PCDH11X: variants seen among roughly 807,000 people sequenced by gnomAD.
PCDH11X encodes protocadherin 11 X-linked, also known as protocadherin-11 X-linked.
Under a neutral mutation model 53.3 loss-of-function variants are expected in PCDH11X, and 18 were observed. That is an observed-to-expected ratio of 0.34 (90% CI 0.23 to 0.50). PCDH11X has a LOEUF of 0.50. Ranked by LOEUF, PCDH11X falls within the 20% of genes least tolerant of loss-of-function variation. The pLI is 0.98. For missense variants in PCDH11X, 570 were observed against 1,032.4 expected, an observed-to-expected ratio of 0.55 and a Z score of 6.14; for synonymous variants, 279 against 393.3, an observed-to-expected ratio of 0.71 and a Z score of 3.44.
At chrX:92,566,006 A>C (rs1165357263) in intron 10 of PCDH11X, among the ~76,000 whole-genome samples, 1 of 110,642 alleles carries the variant, frequency 9.0e-6, no homozygotes, top group South Asian at 3.8e-4. Flanking sequence ...ATATACTATA[A>C]ATTTTTTGAA....
chrX:91,881,044 T>C (rs2525221), intron 6 of PCDH11X, among the ~76,000 whole-genome samples: 4 of 111,425 alleles, frequency 3.6e-5, no homozygotes, highest in Non-Finnish European at 7.6e-5. Context: ...TTTTAATAGA[T>C]TTAATGAAGT....
intron 10 of PCDH11X, among the ~76,000 whole-genome samples, chrX:92,574,685 C>A (rs896835192): frequency 1.5e-4 from 17 of 110,829 alleles, no homozygotes; most frequent in African/African-American, 5.6e-4. Context: ...TTCCTCATAT[C>A]GAGTGCACAG....
At chrX:92,264,522 T>C in intron 8 of PCDH11X, among the ~76,000 whole-genome samples, 1 of 111,507 alleles carries the variant, frequency 9.0e-6, no homozygotes, top group Non-Finnish European at 1.9e-5. Context: ...TTATATTATG[T>C]GTATATTTAG....
chrX:92,402,397 C>T (rs2071405628), intron 9 of PCDH11X, among the ~76,000 whole-genome samples: 1 of 111,372 alleles, frequency 9.0e-6, no homozygotes, highest in Non-Finnish European at 1.9e-5. Flanking sequence ...GTACAAGGAT[C>T]CAGTAACCAA....
intron 4 of PCDH11X, among the ~76,000 whole-genome samples, chrX:91,825,624 A>G (rs368281554): frequency 9.1e-6 from 1 of 109,936 alleles, no homozygotes; most frequent in East Asian, 2.9e-4. Context: ...AAATGCAGAA[A>G]TCACCTGTCT....
chrX:92,567,249 C>T (rs1358770155), intron 10 of PCDH11X, among the ~76,000 whole-genome samples: 4 of 102,658 alleles, frequency 3.9e-5, no homozygotes, highest in African/African-American at 1.4e-4. Context: ...TTGATACTTC[C>T]TATCCATGAG....
chrX:92,251,343 T>A (rs1018506094), intron 7 of PCDH11X, among the ~76,000 whole-genome samples: 2 of 111,361 alleles, frequency 1.8e-5, no homozygotes, highest in Non-Finnish European at 3.8e-5. Context: ...ATTCTTTTAT[T>A]AAGCCTATAA....
At chrX:92,201,298 A>G in intron 6 of PCDH11X, 77 bp from the exon 7 acceptor site, 1 of 1,124,521 alleles carries the variant, frequency 8.9e-7, no homozygotes, top group Non-Finnish European at 1.2e-6. Context: ...CCTATAGGCA[A>G]TGTTTATATG....
chrX:92,443,381 TATAGATTCTTGATATTAGTCCTCTG>T (rs934957434), intron 9 of PCDH11X, among the ~76,000 whole-genome samples: 4 of 111,626 alleles, frequency 3.6e-5, no homozygotes, highest in South Asian at 7.4e-4. Flanking sequence ...TTGACTTTCT[TATAGATTCTTGATATTAGTCCTCTG>T]ATAGATTCTT....
chrX:92,080,013 G>A (rs1179683032), intron 6 of PCDH11X, among the ~76,000 whole-genome samples: 2 of 111,453 alleles, frequency 1.8e-5, no homozygotes, highest in African/African-American at 6.5e-5. Context: ...AAAGTAGGGA[G>A]ATTATTTTCA....
At chrX:92,139,266 C>CT (rs2065135390) in intron 6 of PCDH11X, among the ~76,000 whole-genome samples, 1 of 89,197 alleles carries the variant, frequency 1.1e-5, no homozygotes, top group Non-Finnish European at 2.1e-5. Context: ...TTCTTTCTTT[C>CT]TTTCTTTTTT....
intron 9 of PCDH11X, among the ~76,000 whole-genome samples, chrX:92,457,876 A>G (rs1351448799): frequency 4.7e-5 from 5 of 106,431 alleles, no homozygotes; most frequent in Non-Finnish European, 7.8e-5. Flanking sequence ...ACATGCTTTC[A>G]TATACAAAAA....
At chrX:92,116,199 C>A (rs747704989) in intron 6 of PCDH11X, among the ~76,000 whole-genome samples, 1 of 112,221 alleles carries the variant, frequency 8.9e-6, no homozygotes, top group African/African-American at 3.2e-5. Flanking sequence ...AGACTTTGAC[C>A]AGAACTGGGG....
rs186431356 is a variant in PCDH11X, at chrX:92,265,223, C to T, written c.3144+2080C>T. Among the ~76,000 whole-genome samples the T allele has an allele frequency of 2.7e-5, 3 of 109,832 alleles. No homozygotes were observed. In the East Asian group the frequency reaches 8.7e-4, roughly 32 times the overall value. Reference sequence around the variant, plus strand: ...GTGCTGGGATTATGTGTGTGAGCCACCGCACCCGGCCGATAAGCAGAATCT... The same window carrying T: ...GTGCTGGGATTATGTGTGTGAGCCATCGCACCCGGCCGATAAGCAGAATCT... On this transcript the variant is annotated intron_variant, in intron 8 of 10. Transcript: ENST00000682573.
At chrX:92,416,068 A>ATG (rs2071803821) in intron 9 of PCDH11X, among the ~76,000 whole-genome samples, 1 of 110,864 alleles carries the variant, frequency 9.0e-6, no homozygotes, top group Admixed American at 9.6e-5. Context: ...GTGTGTATAT[A>ATG]TGTGTGTGTG....
chrX:91,935,440 A>G (rs1226149685), intron 6 of PCDH11X, among the ~76,000 whole-genome samples: 3 of 111,511 alleles, frequency 2.7e-5, no homozygotes, highest in Non-Finnish European at 1.9e-5. Flanking sequence ...TTCCTAAAGA[A>G]CATTCATTCC....
chrX:92,485,866 G>A (rs2148679022), intron 10 of PCDH11X, among the ~76,000 whole-genome samples: 1 of 111,014 alleles, frequency 9.0e-6, no homozygotes, highest in Admixed American at 9.6e-5. Flanking sequence ...AAGCTGGGTT[G>A]GACGGTGAGT....
intron 9 of PCDH11X, among the ~76,000 whole-genome samples, chrX:92,407,909 G>A (rs1263203483): frequency 9.2e-6 from 1 of 108,824 alleles, no homozygotes; most frequent in Non-Finnish European, 1.9e-5. Flanking sequence ...TTTTTGAGAC[G>A]GAGTCTTGTT....
chrX:92,050,245 T>G (rs1236003236), intron 6 of PCDH11X, among the ~76,000 whole-genome samples: 3 of 109,426 alleles, frequency 2.7e-5, no homozygotes, highest in African/African-American at 6.7e-5. Context: ...TACCTTTACT[T>G]CTTAGAAAAG....
Sources: gnomAD v4.1 joint callset for allele counts (sites outside exome capture counted in the v4.1 genomes callset) on GRCh38, gnomAD v4.1.1 for gene constraint, MANE v1.5 for transcripts, NCBI Gene and HGNC (gene_info 2026-07-23, HGNC 2026-07-21) for gene names.